Variants in FRAS1 observed in about 807,000 individuals in gnomAD.
FRAS1 encodes Fraser extracellular matrix complex subunit 1, also known as extracellular matrix organizing protein FRAS1.
A neutral mutation model predicts 435.2 loss-of-function variants in FRAS1; 290 were observed. That is an observed-to-expected ratio of 0.67 (90% CI 0.61 to 0.73). The LOEUF (loss-of-function observed/expected upper bound fraction) is 0.73, where lower values mean the gene tolerates loss of function less well. Ranked by LOEUF, FRAS1 falls within the 30% of genes least tolerant of loss-of-function variation. The probability of loss-of-function intolerance (pLI) is 0.00; values close to 1 mark genes in which losing one functional copy is unlikely to be tolerated. For missense variants in FRAS1, 4,860 were observed against 5,001.5 expected, an observed-to-expected ratio of 0.97 and a Z score of 0.85; for synonymous variants, 1,800 against 1,851.0, an observed-to-expected ratio of 0.97 and a Z score of 0.71.
intron 21 of FRAS1, 87 bp from the exon 22 acceptor site, chr4:78,363,821 T>A: frequency 6.7e-7 from 1 of 1,492,110 alleles, no homozygotes; most frequent in South Asian, 1.3e-5. Flanking sequence ...GTTCTCAGTG[T>A]TGGGACTTTA....
chr4:78,170,163 G>A (rs914466929), intron 2 of FRAS1, among the ~76,000 whole-genome samples: 2 of 151,906 alleles, frequency 1.3e-5, no homozygotes, highest in East Asian at 1.9e-4. Context: ...CAACTAATTC[G>A]TTTCTTTCCT....
At chr4:78,182,136 C>A in intron 2 of FRAS1, 3 of 951,934 alleles carry the variant, frequency 3.2e-6, no homozygotes, top group Non-Finnish European at 4.6e-6. Context: ...ACAAGATGGC[C>A]GGGCCAAGAT....
chr4:78,318,895 G>A lies in FRAS1; in HGVS notation c.2046G>A (p.Val682=), dbSNP rs764188507. The part of the protein sequence containing the change: ...GCKKPEEGLQ[V]EQLSDVGIPS... ...AGAAGCCAGAGGAAGGACTGCAAGT[G>A]GAGCAGCTGTCTGACGTGGGCATCC... The change falls in exon 18 of 74, where the codon GTG becomes GTA. Residue 682 remains valine, a synonymous_variant. Transcript: ENST00000512123. 1 of 1,614,012 alleles carries A rather than the reference G, an allele frequency of 6.2e-7. No individual in the cohort carries two copies. The highest frequency in any genetic ancestry group is 2.2e-5 in the East Asian group (1 of 44,888).
intron 2 of FRAS1, among the ~76,000 whole-genome samples, chr4:78,196,974 A>T (rs1296121235): frequency 6.6e-6 from 1 of 152,194 alleles, no homozygotes; most frequent in Non-Finnish European, 1.5e-5. Context: ...AACAAGAGAG[A>T]GAAGTGGAGG....
chr4:78,103,005 A>G (rs751701117), intron 2 of FRAS1, among the ~76,000 whole-genome samples: 3 of 152,186 alleles, frequency 2.0e-5, no homozygotes, highest in Non-Finnish European at 2.9e-5. Context: ...AAAGAGGCAG[A>G]GGAAACAGCT....
At position 78,375,734 on chromosome 4, in the gene FRAS1, A is replaced by G. The variant is rs1386870007; in HGVS notation, c.3152-5A>G. The G allele has an allele frequency of 2.6e-6, 4 of 1,565,376 alleles. No homozygotes were observed. The highest frequency in any genetic ancestry group is 3.5e-6 in the Non-Finnish European group (4 of 1,158,212). Reference sequence around the variant, plus strand: ...AGCCTCATTTAGTGTTTCCTTTTTTAATAGCCTGCCCTCAGGGGTGCTTGC... The same window carrying G: ...AGCCTCATTTAGTGTTTCCTTTTTTGATAGCCTGCCCTCAGGGGTGCTTGC... On this transcript the variant is annotated splice_region_variant and splice_polypyrimidine_tract_variant and intron_variant, in intron 25 of 73. Transcript: ENST00000512123.
Position 78,450,154 on chromosome 4 carries a change from C to T in FRAS1, c.6278C>T (p.Ser2093Phe). The T allele has an allele frequency of 6.2e-7, 1 of 1,613,100 alleles. No homozygotes were observed. Among genetic ancestry groups the T allele is most frequent in the Non-Finnish European group, 8.5e-7 (1 of 1,179,266 alleles). The stretch of plus-strand genomic sequence containing the variant: ...CTCTCTTCCGTTCTCTTCCAAGGGT[C>T]TGTAGCACGCATCACAGAACAGCAC... ...INQGLQLSAG[S>F]VARITEQHLK... The change falls in exon 45 of 74, where the codon TCT becomes TTT. Residue 2093 changes from serine (S) to phenylalanine (F), a missense_variant. Physicochemically the swap from Ser to Phe is radical, Grantham distance 155 (BLOSUM62 -2). Coordinates refer to ENST00000512123, the MANE Select transcript of FRAS1 (RefSeq NM_025074.7).
At chr4:78,436,858 G>A (rs1237905938) in intron 38 of FRAS1, among the ~76,000 whole-genome samples, 3 of 152,158 alleles carry the variant, frequency 2.0e-5, no homozygotes, top group Non-Finnish European at 4.4e-5. Context: ...GAGACAGGAA[G>A]AAGGGCCACA....
chr4:78,499,819 G>T lies in FRAS1; in HGVS notation c.9214G>T (p.Asp3072Tyr). ...ILNIKVIRRG[D>Y]QNRTSKVRCS... ...GAACATCAAGGTGATCCGCAGAGGGGATCAGAACAGGACCTCCAAGGTTCG... is the reference window on the plus strand; with the variant it reads ...GAACATCAAGGTGATCCGCAGAGGGTATCAGAACAGGACCTCCAAGGTTCG... Residue 3072 changes from aspartate to tyrosine, a missense_variant, in exon 61 of 74, where the codon GAT becomes TAT. By Grantham distance (160) the Asp-to-Tyr change is radical. Transcript: ENST00000512123. The T allele has an allele frequency of 1.2e-6, 2 of 1,613,906 alleles. No individual in the cohort carries two copies. The highest frequency in any genetic ancestry group is 1.7e-6 in the Non-Finnish European group (2 of 1,179,818).
At chr4:78,287,627 G>GT (rs749183042) in intron 14 of FRAS1, among the ~76,000 whole-genome samples, 3 of 152,118 alleles carry the variant, frequency 2.0e-5, no homozygotes, top group Non-Finnish European at 2.9e-5. Context: ...CACACCCTTG[G>GT]TTAGACTTTC....
intron 2 of FRAS1, among the ~76,000 whole-genome samples, chr4:78,116,353 G>A (rs1280197415): frequency 1.3e-5 from 2 of 152,128 alleles, no homozygotes; most frequent in Non-Finnish European, 2.9e-5. Flanking sequence ...GGTTGCCTTG[G>A]TGCAGAGCTG....
At position 78,448,210 on chromosome 4, in the gene FRAS1, C is replaced by G. The variant is rs781772290; in HGVS notation, c.6168C>G (p.Leu2056=). Reference sequence around the variant, plus strand: ...TCGTGGATGAGTTCCAGTTCTCCCTCACTGATGGCCTCCACGTGGACACAG... The same window carrying G: ...TCGTGGATGAGTTCCAGTTCTCCCTGACTGATGGCCTCCACGTGGACACAG... The part of the protein sequence containing the change: ...GMVVDEFQFS[L]TDGLHVDTGR... The change falls in exon 44 of 74, where the codon CTC becomes CTG. Residue 2056 remains leucine (L), a synonymous_variant. Coordinates refer to ENST00000512123, the MANE Select transcript of FRAS1 (RefSeq NM_025074.7). 1.2e-6 allele frequency: 2 copies of G among 1,613,324 alleles called. No homozygotes were observed. The highest frequency in any genetic ancestry group is 1.7e-6 in the Non-Finnish European group (2 of 1,179,838).
chr4:78,183,680 A>G (rs1238211764), intron 2 of FRAS1, among the ~76,000 whole-genome samples: 1 of 150,174 alleles, frequency 6.7e-6, no homozygotes, highest in African/African-American at 2.4e-5. Context: ...GGCATGAGGT[A>G]TGGCAGGGCA....
At chr4:78,233,408 C>T (rs1472558505) in intron 2 of FRAS1, among the ~76,000 whole-genome samples, 1 of 152,122 alleles carries the variant, frequency 6.6e-6, no homozygotes, top group East Asian at 1.9e-4. Flanking sequence ...ATGCTAGGGT[C>T]CTAATTAAGT....
At chr4:78,330,452 C>A (rs573053736) in intron 18 of FRAS1, among the ~76,000 whole-genome samples, 1 of 152,304 alleles carries the variant, frequency 6.6e-6, no homozygotes, top group Non-Finnish European at 1.5e-5. Flanking sequence ...AGAGAGATAA[C>A]CTTAAACTCT....
chr4:78,403,373 TC>T (rs1437131987), intron 30 of FRAS1, among the ~76,000 whole-genome samples: 1 of 152,172 alleles, frequency 6.6e-6, no homozygotes, highest in Non-Finnish European at 1.5e-5. Context: ...ATTAACTTCT[TC>T]CTATGAACAT....
At chr4:78,260,329 CCAT>C (rs1265343709) in intron 6 of FRAS1, among the ~76,000 whole-genome samples, 1 of 151,898 alleles carries the variant, frequency 6.6e-6, no homozygotes, top group African/African-American at 2.4e-5. Context: ...TTCTTCCTAC[CCAT>C]GAGCATGGAA....
At position 78,543,879 on chromosome 4, in the gene FRAS1, C is replaced by G. The variant is rs914907161; in HGVS notation, c.*2755C>G. 1 of 152,510 alleles carries G rather than the reference C, an allele frequency of 6.6e-6. No homozygotes were observed. The highest frequency in any genetic ancestry group is 2.4e-5 in the African/African-American group (1 of 41,418). 9.4% of individuals were successfully genotyped at this position (152,510 alleles called of 1,614,324 possible). On this transcript the variant is annotated 3_prime_UTR_variant, in exon 74 of 74. Coordinates refer to ENST00000512123, the MANE Select transcript of FRAS1 (RefSeq NM_025074.7). ...CCTTCAAGTGAGAAGGAACAAACAA[C>G]TCTCAGTGGTTACTACTTGCTTTTA... is the stretch of plus-strand genomic sequence containing the variant.
intron 64 of FRAS1, among the ~76,000 whole-genome samples, chr4:78,513,174 A>G (rs1028311311): frequency 6.6e-6 from 1 of 152,124 alleles, no homozygotes; most frequent in Non-Finnish European, 1.5e-5. Flanking sequence ...CTAGATTACT[A>G]TCAGTCCTCT....
Sources: gnomAD v4.1 joint callset for allele counts (sites outside exome capture counted in the v4.1 genomes callset) on GRCh38, gnomAD v4.1.1 for gene constraint, MANE v1.5 for transcripts, NCBI Gene and HGNC (gene_info 2026-07-23, HGNC 2026-07-21) for gene names.